The following NRCAM variants were observed in gnomAD, a reference collection of about 807,000 sequenced individuals.
NRCAM encodes the protein neuronal cell adhesion molecule.
In NRCAM, 83 loss-of-function variants were observed where a neutral mutation model predicts 156.5. That is an observed-to-expected ratio of 0.53 (90% CI 0.44 to 0.64). NRCAM has a LOEUF of 0.64. NRCAM is among the 30% of genes least tolerant of loss of function. The pLI is 0.00. For synonymous variants in NRCAM, 538 were observed against 563.9 expected (o/e 0.95, Z 0.65); for missense variants, 1,417 against 1,597.3 (o/e 0.89, Z 1.92).
rs577870210 is a variant in NRCAM, at chr7:108,215,456, C to T, written c.891-5851G>A. ...GGTCTCGATCTCCTGACCTCATGAT[C>T]CACCCGCCTCAGCCTCCCAAAGTGC... On this transcript the variant is annotated intron_variant, in intron 11 of 32. Coordinates refer to ENST00000379028, the MANE Select transcript of NRCAM (RefSeq NM_001037132.4). 1.9e-3 allele frequency among the ~76,000 whole-genome samples: 296 copies of T among 152,044 alleles called. 3 individuals are homozygous for T. Among genetic ancestry groups the T allele is most frequent in the Middle Eastern group, 3.4e-3 (1 of 294 alleles).
intron 11 of NRCAM, among the ~76,000 whole-genome samples, chr7:108,212,242 CA>C (rs1195770031): frequency 6.6e-6 from 1 of 152,180 alleles, no homozygotes; most frequent in Non-Finnish European, 1.5e-5. Flanking sequence ...AGAATCTGAA[CA>C]ACAGACTTCA....
At chr7:108,300,160 CTTTTTTTTTTTTTTTTT>C (rs10665036) in intron 3 of NRCAM, among the ~76,000 whole-genome samples, 1 of 65,858 alleles carries the variant, frequency 1.5e-5, no homozygotes, top group African/African-American at 5.7e-5. Context: ...TTTCTGTTGA[CTTTTTTTTTTTTTTTTT>C]TTTTTTTTTT....
At position 108,213,224 on chromosome 7, in the gene NRCAM, C is replaced by T. The variant is rs1224945788; in HGVS notation, c.891-3619G>A. On this transcript the variant is annotated intron_variant, in intron 11 of 32. Coordinates refer to ENST00000379028, the MANE Select transcript of NRCAM (RefSeq NM_001037132.4). ...AGAATTTGCCATTACCAAACCACCA[C>T]TACAAGAACTGCTAAAAGGAGTTCT... Among the ~76,000 whole-genome samples the T allele has an allele frequency of 5.9e-5, 9 of 152,194 alleles. No homozygotes were observed. In the East Asian group the frequency reaches 1.7e-3, roughly 29 times the overall value.
chr7:108,371,544 A>C (rs965392682), intron 2 of NRCAM, among the ~76,000 whole-genome samples: 1 of 152,170 alleles, frequency 6.6e-6, no homozygotes, highest in Admixed American at 6.6e-5. Context: ...GATGCTAGAA[A>C]AGTGTTCTCA....
rs565827260 is a variant in NRCAM at position 108,163,349 on chromosome 7, A to C, written c.3467-2857T>G. On this transcript the variant is annotated intron_variant, in intron 30 of 32. Coordinates refer to ENST00000379028, the MANE Select transcript of NRCAM (RefSeq NM_001037132.4). ...GTCATGGATATCTGTGCTCTGTGGT[A>C]GGAGGTCTCTGAGGAAAATGCTCTT... Among the ~76,000 whole-genome samples the C allele has an allele frequency of 3.3e-3, 496 of 152,314 alleles. 5 individuals carry two copies. The highest frequency in any genetic ancestry group is 8.9e-3 in the South Asian group (43 of 4,826).
At chr7:108,279,058 T>TAA (rs1303642598) in intron 3 of NRCAM, among the ~76,000 whole-genome samples, 9 of 152,124 alleles carry the variant, frequency 5.9e-5, no homozygotes, top group Non-Finnish European at 1.2e-4. Flanking sequence ...GTTGTCTGCT[T>TAA]AGAAGGCACT....
chr7:108,184,271 T>C lies in NRCAM; in HGVS notation c.2274A>G (p.Ser758=), dbSNP rs1181896733. 1.2e-6 allele frequency: 2 copies of C among 1,614,082 alleles called. No homozygotes were observed. Among genetic ancestry groups the C allele is most frequent in the East Asian group, 4.5e-5 (2 of 44,898 alleles). ...ACGTAATCACCAAATTATCAGGCTC[T>C]GATCCCAGTCCTTCCACAGCTGTGG... ...KNPTAVEGLG[S]EPDNLVITWK... is the part of the protein sequence containing the mutation. Residue 758 remains serine (S), a synonymous_variant, in exon 22 of 33, where the codon TCA becomes TCG. Transcript: ENST00000379028.
chr7:108,235,636 G>A (rs1589430800), intron 5 of NRCAM, among the ~76,000 whole-genome samples: 1 of 152,142 alleles, frequency 6.6e-6, no homozygotes, highest in East Asian at 1.9e-4. Flanking sequence ...TGTTTACACA[G>A]ACCAGTGGTT....
At chr7:108,330,923 G>T (rs1436921289) in intron 2 of NRCAM, among the ~76,000 whole-genome samples, 1 of 152,086 alleles carries the variant, frequency 6.6e-6, no homozygotes, top group Non-Finnish European at 1.5e-5. Context: ...CTCTCAGATT[G>T]TCCAGACCTA....
At chr7:108,157,350 C>T (rs2046125508) in intron 32 of NRCAM, among the ~76,000 whole-genome samples, 2 of 152,092 alleles carry the variant, frequency 1.3e-5, no homozygotes, top group Non-Finnish European at 2.9e-5. Context: ...AAGACAAAGA[C>T]ATATGACCAA....
chr7:108,180,580 C>A (rs558586196), intron 24 of NRCAM, among the ~76,000 whole-genome samples, 153 bp from the exon 25 acceptor site: 1 of 152,180 alleles, frequency 6.6e-6, no homozygotes, highest in East Asian at 1.9e-4. Flanking sequence ...GATTCTGAGG[C>A]AAGAGGAATA....
At chr7:108,379,123 CAAACACCTAG>C in intron 2 of NRCAM, among the ~76,000 whole-genome samples, 1 of 152,128 alleles carries the variant, frequency 6.6e-6, no homozygotes, top group East Asian at 1.9e-4. Context: ...ATAATATTCC[CAAACACCTAG>C]AAACACTAGC....
intron 17 of NRCAM, among the ~76,000 whole-genome samples, 173 bp from the exon 18 acceptor site, chr7:108,192,026 T>A (rs940474453): frequency 6.6e-6 from 1 of 152,168 alleles, no homozygotes; most frequent in Admixed American, 6.5e-5. Flanking sequence ...TGAAAAACAA[T>A]GAGAATCAAT....
chr7:108,259,070 C>T (rs1215957760), intron 3 of NRCAM, among the ~76,000 whole-genome samples: 1 of 152,198 alleles, frequency 6.6e-6, no homozygotes, highest in Non-Finnish European at 1.5e-5. Context: ...CTAGTGGCTA[C>T]TGTGTTGGGA....
intron 7 of NRCAM, among the ~76,000 whole-genome samples, chr7:108,231,511 T>A (rs1325281334): frequency 1.3e-5 from 2 of 152,164 alleles, no homozygotes; most frequent in African/African-American, 2.4e-5. Context: ...ATTACACATC[T>A]ACACCTCTGA....
chr7:108,342,246 C>A (rs1392053814), intron 2 of NRCAM, among the ~76,000 whole-genome samples: 1 of 152,212 alleles, frequency 6.6e-6, no homozygotes, highest in Non-Finnish European at 1.5e-5. Flanking sequence ...AATTTCCTTG[C>A]CACCTGTGGC....
chr7:108,159,613 CTTT>C (rs1293122114), intron 31 of NRCAM, 72 bp from the exon 32 acceptor site: 2 of 1,153,472 alleles, frequency 1.7e-6, no homozygotes, highest in Non-Finnish European at 2.6e-6. Flanking sequence ...TGAAAGCATT[CTTT>C]GAGATATACA....
chr7:108,163,698 A>G (rs892962746), intron 30 of NRCAM, among the ~76,000 whole-genome samples: 1 of 151,952 alleles, frequency 6.6e-6, no homozygotes, highest in African/African-American at 2.4e-5. Context: ...ACGTCTGGTC[A>G]TACCAGATGG....
chr7:108,441,170 C>G (rs1838092089), intron 1 of NRCAM, among the ~76,000 whole-genome samples: 1 of 152,198 alleles, frequency 6.6e-6, no homozygotes, highest in African/African-American at 2.4e-5. Flanking sequence ...ATGGGAGAAA[C>G]TCTTCTGCAT....
Sources: allele counts gnomAD v4.1 joint callset (sites outside exome capture counted in the v4.1 genomes callset), GRCh38; gene constraint gnomAD v4.1.1; transcripts MANE v1.5; gene names NCBI Gene and HGNC (gene_info 2026-07-23, HGNC 2026-07-21).